GAB2: variants seen among roughly 807,000 people sequenced by gnomAD.
The protein encoded by GAB2 is GRB2 associated binding protein 2.
In GAB2, 26 loss-of-function variants were observed where a neutral mutation model predicts 65.5. The ratio of observed to expected loss-of-function variants is 0.40; its 90% CI spans 0.29 to 0.55. GAB2 has a LOEUF of 0.55. Ranked by LOEUF, GAB2 falls within the 20% of genes least tolerant of loss-of-function variation. The probability of loss-of-function intolerance (pLI) is 0.53; values close to 1 mark genes in which losing one functional copy is unlikely to be tolerated. For synonymous variants in GAB2, 321 were observed against 329.6 expected (o/e 0.97, Z 0.28); for missense variants, 884 against 875.8 (o/e 1.01, Z -0.12).
At chr11:78,276,333 A>C (rs1866170222) in intron 2 of GAB2, among the ~76,000 whole-genome samples, 3 of 149,212 alleles carry the variant, frequency 2.0e-5, no homozygotes, top group Non-Finnish European at 3.0e-5. Context: ...GCAGTCTTGA[A>C]CTCCTGGGCT....
chr11:78,389,570 A>G (rs1269198253), intron 1 of GAB2, among the ~76,000 whole-genome samples: 2 of 152,188 alleles, frequency 1.3e-5, no homozygotes, highest in African/African-American at 4.8e-5. Context: ...GGCTTCCCAA[A>G]GTGCTGGATT....
intron 3 of GAB2, among the ~76,000 whole-genome samples, chr11:78,247,486 G>T (rs1215179088): frequency 2.0e-5 from 3 of 152,240 alleles, no homozygotes; most frequent in East Asian, 3.9e-4. Context: ...GGTTTATTTT[G>T]ATCTCTTTCT....
chr11:78,292,002 G>C (rs1038027948), intron 1 of GAB2, among the ~76,000 whole-genome samples: 1 of 39,794 alleles, frequency 2.5e-5, no homozygotes, highest in African/African-American at 6.8e-5. Flanking sequence ...AGGTGTGTAG[G>C]GGTGTGTGTG....
intron 1 of GAB2, among the ~76,000 whole-genome samples, chr11:78,354,657 C>T (rs1308657353): frequency 1.3e-5 from 2 of 152,082 alleles, no homozygotes; most frequent in Non-Finnish European, 2.9e-5. Flanking sequence ...GAATCAAGGA[C>T]AAACACACAG....
chr11:78,275,258 A>T (rs1016903360), intron 2 of GAB2, among the ~76,000 whole-genome samples: 4 of 152,188 alleles, frequency 2.6e-5, no homozygotes, highest in Non-Finnish European at 5.9e-5. Context: ...GTAGACGGAG[A>T]AGATTTTTAG....
chr11:78,239,472 G>C (rs555374396), intron 3 of GAB2, among the ~76,000 whole-genome samples: 5 of 152,126 alleles, frequency 3.3e-5, no homozygotes, highest in African/African-American at 4.8e-5. Context: ...ACCTGCCTCG[G>C]CCTCCCAAAT....
intron 2 of GAB2, 141 bp from the exon 3 acceptor site, chr11:78,250,541 C>T (rs1281052742): frequency 1.4e-5 from 10 of 714,664 alleles, no homozygotes; most frequent in Non-Finnish European, 2.4e-5. Context: ...ATATACCTGC[C>T]CCTTGCTGCC....
chr11:78,306,848 G>A (rs1286706107), intron 1 of GAB2, among the ~76,000 whole-genome samples: 1 of 152,162 alleles, frequency 6.6e-6, no homozygotes, highest in African/African-American at 2.4e-5. Flanking sequence ...TAGTTTCCTT[G>A]TTCGTAAAAT....
In GAB2 at chr11:78,226,911, G is replaced by A. The variant is rs749476957; in HGVS notation, c.761C>T (p.Pro254Leu). The change falls in exon 4 of 10, where the codon CCG becomes CTG. Residue 254 changes from proline to leucine, a missense_variant. Coordinates refer to ENST00000361507, the MANE Select transcript of GAB2 (RefSeq NM_080491.3). ...TCTGAATTCTGTATTGTGCCGGCTC[G>A]GCTTGGGAAGGCTATAGAAGCCATG... ...QVHGFYSLPK[P>L]SRHNTEFRDS... 5.6e-6 allele frequency: 9 copies of A among 1,613,864 alleles called. No individual in the cohort carries two copies. The highest frequency in any genetic ancestry group is 1.6e-4 in the Middle Eastern group (1 of 6,084).
chr11:78,407,267 A>C lies in GAB2; in HGVS notation c.75+10379T>G, dbSNP rs74238041. Among the ~76,000 whole-genome samples the C allele has an allele frequency of 8.5e-4, 130 of 152,294 alleles. 6 individuals carry two copies. In the East Asian group the frequency reaches 0.024, roughly 28 times the overall value. On this transcript the variant is annotated intron_variant, in intron 1 of 9. Transcript: ENST00000361507. ...AGTTCCAAACAGGATAAACTCAAGA[A>C]AATTCCACACCAAGACACATAGCAA...
chr11:78,299,466 G>A (rs908677173), intron 1 of GAB2, among the ~76,000 whole-genome samples: 9 of 152,322 alleles, frequency 5.9e-5, no homozygotes, highest in Non-Finnish European at 7.3e-5. Flanking sequence ...ATGAACATGC[G>A]CACAAAGTCT....
intron 2 of GAB2, among the ~76,000 whole-genome samples, chr11:78,257,616 G>A (rs941708254): frequency 1.3e-5 from 2 of 152,170 alleles, no homozygotes; most frequent in Non-Finnish European, 2.9e-5. Flanking sequence ...AAAGAGGTAC[G>A]AGCTGCTTTC....
rs117886437 is a variant in GAB2, at chr11:78,225,865, A to T, written c.1207+600T>A. 1.6e-4 allele frequency among the ~76,000 whole-genome samples: 24 copies of T among 152,368 alleles called. No homozygotes were observed. The East Asian group carries it at 3.7e-3, about 23-fold the overall frequency. ...TGGACAAGAAAAGGCTTTGCAAACC[A>T]TAAAGCAAGATGCAAAATGAAAGGA... is the stretch of plus-strand genomic sequence containing the variant. On this transcript the variant is annotated intron_variant, in intron 4 of 9. Transcript: ENST00000361507.
Position 78,217,039 on chromosome 11 carries a change from T to G in GAB2, c.*2233A>C, listed in dbSNP as rs533063790. ...AGCCTCTCCTTCCTTCTTCCTCCAC[T>G]GGACCCAAGCCCTGCCCTCCTCCTC... On this transcript the variant is annotated 3_prime_UTR_variant, in exon 10 of 10. Coordinates refer to ENST00000361507, the MANE Select transcript of GAB2 (RefSeq NM_080491.3). 6.5e-6 allele frequency: 1 copy of G among 152,794 alleles called. No individual in the cohort carries two copies. The highest frequency in any genetic ancestry group is 6.5e-5 in the Admixed American group (1 of 15,308). The allele number at this position is 152,794 out of a possible 1,614,324, so 9.5% of individuals were successfully genotyped here.
At chr11:78,252,810 C>T (rs1391764941) in intron 2 of GAB2, among the ~76,000 whole-genome samples, 1 of 152,064 alleles carries the variant, frequency 6.6e-6, no homozygotes, top group Non-Finnish European at 1.5e-5. Flanking sequence ...ACTCAACAAT[C>T]TAAATTGACC....
At chr11:78,280,462 A>G (rs1018563855) in intron 2 of GAB2, 139 bp downstream of exon 2, 2 of 735,046 alleles carry the variant, frequency 2.7e-6, no homozygotes, top group South Asian at 3.5e-5. Context: ...TATTTGGCCA[A>G]CCCCTTCACA....
intron 1 of GAB2, among the ~76,000 whole-genome samples, chr11:78,339,048 G>C (rs1358572497): frequency 6.6e-6 from 1 of 151,866 alleles, no homozygotes. Flanking sequence ...TCAACCTCCC[G>C]AGTAACTGGG....
At chr11:78,298,576 A>C (rs1866904962) in intron 1 of GAB2, among the ~76,000 whole-genome samples, 1 of 152,236 alleles carries the variant, frequency 6.6e-6, no homozygotes, top group Non-Finnish European at 1.5e-5. Flanking sequence ...ACCTTTCTAC[A>C]GAGGACTCGA....
intron 3 of GAB2, among the ~76,000 whole-genome samples, chr11:78,240,941 C>G (rs925020163): frequency 2.0e-5 from 3 of 152,220 alleles, no homozygotes; most frequent in Non-Finnish European, 2.9e-5. Context: ...TCATGAGACT[C>G]TGAGCTTAGA....
Sources: allele counts gnomAD v4.1 joint callset (sites outside exome capture counted in the v4.1 genomes callset), GRCh38; gene constraint gnomAD v4.1.1; transcripts MANE v1.5; gene names NCBI Gene and HGNC (gene_info 2026-07-23, HGNC 2026-07-21).